Variants in PNPLA6 observed in about 807,000 individuals in gnomAD.
PNPLA6 encodes the protein patatin like domain 6, lysophospholipase, also known as patatin-like phospholipase domain-containing protein 6.
PNPLA6 carries 105 observed loss-of-function variants against 153.7 expected under a neutral mutation model. That is an observed-to-expected ratio of 0.68 (90% CI 0.58 to 0.80). The LOEUF (loss-of-function observed/expected upper bound fraction) is 0.80, where lower values mean the gene tolerates loss of function less well. PNPLA6 is among the 30% of genes least tolerant of loss of function. PNPLA6 has a pLI of 0.00. For missense variants in PNPLA6, 1,423 were observed against 1,919.3 expected (o/e 0.74, Z 4.83); for synonymous variants, 825 against 822.2 (o/e 1.00, Z -0.06).
chr19:7,544,542 G>A (rs532986353), intron 13 of PNPLA6, among the ~76,000 whole-genome samples: 2 of 152,344 alleles, frequency 1.3e-5, no homozygotes, highest in African/African-American at 2.4e-5. Context: ...ACAGTGTGGG[G>A]TTTGCAAGAG....
Position 7,551,064 on chromosome 19 carries a change from T to C in PNPLA6, c.2141T>C (p.Leu714Pro), listed in dbSNP as rs1464006255. Residue 714 changes from leucine (L) to proline (P), a missense_variant, in exon 17 of 32, where the codon CTT (leucine) becomes CCT (proline). Transcript: ENST00000600737. ...HAVRDTELAK[L>P]PEGTLGHIKR... ...GTGCGCGACACGGAGCTGGCCAAGC[T>C]TCCCGAGGGCACCTTGGGTCACATC... 1 of 1,549,796 alleles carries C rather than the reference T, an allele frequency of 6.5e-7. No individual in the cohort carries two copies. Among genetic ancestry groups the C allele is most frequent in the Non-Finnish European group, 8.7e-7 (1 of 1,146,874 alleles).
chr19:7,541,305 T>A lies in PNPLA6; in HGVS notation c.925-49T>A, dbSNP rs769488817. ...ACTAGCCCGGCCCACCATCTGGCCC[T>A]GCCCCTTACCCCGCCCCATCTTATG... On this transcript the variant is annotated intron_variant, in intron 7 of 31. Coordinates refer to ENST00000600737, the MANE Select transcript of PNPLA6 (RefSeq NM_001166114.2). This position sits in a 1 kb window ranked among gnomAD's most constrained non-coding sequence, Gnocchi z 5.2. 2.0e-6 allele frequency: 3 copies of A among 1,520,504 alleles called. No homozygotes were observed. Among genetic ancestry groups the A allele is most frequent in the Non-Finnish European group, 2.7e-6 (3 of 1,099,604 alleles). 94.2% of individuals were successfully genotyped at this position (1,520,504 alleles called of 1,614,324 possible). A position where few individuals can be genotyped will look rare whatever the true frequency, so the allele number is the denominator to read the frequency against.
chr19:7,560,994 T>A lies in PNPLA6; in HGVS notation c.3817-20T>A. 1 of 1,559,730 alleles carries A rather than the reference T, an allele frequency of 6.4e-7. No homozygotes were observed. Among genetic ancestry groups the A allele is most frequent in the Non-Finnish European group, 8.8e-7 (1 of 1,138,204 alleles). ...ACTCTGTGGGCCCCCCCTAAGAGCC[T>A]CACCAGTGTCACCCCACAGGTGCTT... On this transcript the variant is annotated intron_variant, in intron 29 of 31. Coordinates refer to ENST00000600737, the MANE Select transcript of PNPLA6 (RefSeq NM_001166114.2).
chr19:7,535,595 G>T (rs1280869475), upstream of PNPLA6: 1 of 1,601,178 alleles, frequency 6.2e-7, no homozygotes. This position sits in a 1 kb window ranked among gnomAD's most constrained non-coding sequence, Gnocchi z 5.0. Flanking sequence ...GTGGGGCGGA[G>T]ACCGGGTAGG....
At chr19:7,534,183 A>C, upstream of PNPLA6, 1 of 358,698 alleles carries the variant, frequency 2.8e-6, no homozygotes, top group Non-Finnish European at 5.3e-6. Context: ...GTGCCTGCGG[A>C]GCCGGGCGGA....
rs2023855823 is a variant in PNPLA6 at position 7,555,845 on chromosome 19, A to C, written c.3093+82A>C. 2.7e-6 allele frequency: 4 copies of C among 1,457,552 alleles called. No individual in the cohort carries two copies. Among genetic ancestry groups the C allele is most frequent in the Admixed American group, 1.7e-5 (1 of 59,030 alleles). The allele number at this position is 1,457,552 out of a possible 1,614,324, so 90.3% of individuals were successfully genotyped here. On this transcript the variant is annotated intron_variant, in intron 24 of 31. Transcript: ENST00000600737. The surrounding 1 kb of genome is among the most constrained non-coding windows in gnomAD (Gnocchi z 6.3). ...CCAACCTAACCTGATCCCATGGGGG[A>C]GCCTCCGGGGTCAGGGTGACCCTTC... is the stretch of plus-strand genomic sequence containing the variant.
upstream of PNPLA6, chr19:7,534,700 A>AC (rs1393047485): frequency 4.0e-5 from 6 of 151,740 alleles, no homozygotes; most frequent in South Asian, 2.1e-4. Flanking sequence ...CTTTCCAGTG[A>AC]CCCCGCATCC....
At chr19:7,560,436 A>C (rs570765442) in intron 28 of PNPLA6, among the ~76,000 whole-genome samples, 42 of 152,320 alleles carry the variant, frequency 2.8e-4, no homozygotes, top group Admixed American at 2.6e-3. Flanking sequence ...TGTGGGAAAG[A>C]ACATGGAGAG....
upstream of PNPLA6, chr19:7,535,353 C>A (rs960928161): frequency 1.9e-4 from 129 of 673,788 alleles, no homozygotes; most frequent in Non-Finnish European, 2.8e-4. This position sits in a 1 kb window ranked among gnomAD's most constrained non-coding sequence, Gnocchi z 5.0. Context: ...TCCCTTAGTC[C>A]CGCAGCGCCC....
rs1171186765 is a variant in PNPLA6, at chr19:7,554,545, C to T, written c.2466-10C>T. On this transcript the variant is annotated splice_polypyrimidine_tract_variant and intron_variant, in intron 20 of 31. Coordinates refer to ENST00000600737, the MANE Select transcript of PNPLA6 (RefSeq NM_001166114.2). Reference sequence around the variant, plus strand: ...AACCCCAGGATGACGCTGCCCCCTTCCCACCCTAGCATCCAAGAGTTCCGG... The same window carrying T: ...AACCCCAGGATGACGCTGCCCCCTTTCCACCCTAGCATCCAAGAGTTCCGG... 1 of 1,614,048 alleles carries T rather than the reference C, an allele frequency of 6.2e-7. No homozygotes were observed. The highest frequency in any genetic ancestry group is 8.5e-7 in the Non-Finnish European group (1 of 1,179,952).
intron 3 of PNPLA6, 34 bp from the exon 4 acceptor site, chr19:7,539,884 C>T (rs1488809519): frequency 9.1e-6 from 13 of 1,423,670 alleles, no homozygotes; most frequent in Non-Finnish European, 1.2e-5. Flanking sequence ...TCTCCGTGCC[C>T]CCCTCACCCC....
In PNPLA6 at chr19:7,540,399, A is replaced by T; in HGVS notation, c.714+91A>T. On this transcript the variant is annotated intron_variant, in intron 5 of 31. Transcript: ENST00000600737. This position sits in a 1 kb window ranked among gnomAD's most constrained non-coding sequence, Gnocchi z 6.8. Reference sequence around the variant, plus strand: ...TCTGTAGAGCTGGTGGTCTTTGGAGATGCGTCATCGGGAGTCAGGGGAACG... The same window carrying T: ...TCTGTAGAGCTGGTGGTCTTTGGAGTTGCGTCATCGGGAGTCAGGGGAACG... 1 of 1,414,878 alleles carries T rather than the reference A, an allele frequency of 7.1e-7. No homozygotes were observed. The highest frequency in any genetic ancestry group is 9.6e-7 in the Non-Finnish European group (1 of 1,040,994). 87.6% of individuals were successfully genotyped at this position (1,414,878 alleles called of 1,614,324 possible).
intron 13 of PNPLA6, among the ~76,000 whole-genome samples, chr19:7,549,477 C>T (rs12459016): frequency 0.67 from 99,773 of 148,016 alleles, 34,107 homozygotes; most frequent in South Asian, 0.78. Flanking sequence ...TGAGCCACCG[C>T]GCCTGGCCTT....
chr19:7,542,648 G>T lies in PNPLA6; in HGVS notation c.1340G>T (p.Gly447Val), dbSNP rs376965424. 4 of 1,613,252 alleles carry T rather than the reference G, an allele frequency of 2.5e-6. No homozygotes were observed. Among genetic ancestry groups the T allele is most frequent in the Non-Finnish European group, 3.4e-6 (4 of 1,179,902 alleles). Reference protein sequence around the residue: ...SVSLQEEASGGSLAAPARTPT... With the variant: ...SVSLQEEASGVSLAAPARTPT... ...TCCCTGCAGGAAGAGGCCTCCGGGG[G>T]GTCCCTGGCAGCCCCCGCTCGGGTA... The change falls in exon 11 of 32, where the codon GGG becomes GTG. Residue 447 changes from glycine to valine, a missense_variant. By Grantham distance (109) the Gly-to-Val change is moderately radical. Coordinates refer to ENST00000600737, the MANE Select transcript of PNPLA6 (RefSeq NM_001166114.2).
Position 7,541,660 on chromosome 19 carries a change from G to C in PNPLA6, c.1144G>C (p.Gly382Arg), listed in dbSNP as rs1248639336. Reference protein sequence around the residue: ...ETPGRPPDPTGAPLPGPTGDP... With the variant: ...ETPGRPPDPTRAPLPGPTGDP... ...CCCAGGGCGGCCACCCGATCCCACC[G>C]GGGCCCCGCTGCCTGGACCTACAGG... Residue 382 changes from glycine (G) to arginine (R), a missense_variant, in exon 9 of 32, where the codon GGG becomes CGG. Transcript: ENST00000600737. This position sits in a 1 kb window ranked among gnomAD's most constrained non-coding sequence, Gnocchi z 5.2. The C allele has an allele frequency of 1.9e-6, 3 of 1,576,756 alleles. No individual in the cohort carries two copies. Among genetic ancestry groups the C allele is most frequent in the Non-Finnish European group, 1.7e-6 (2 of 1,162,722 alleles).
At chr19:7,547,811 A>AATT (rs1406190133) in intron 13 of PNPLA6, among the ~76,000 whole-genome samples, 3 of 114,502 alleles carry the variant, frequency 2.6e-5, no homozygotes, top group East Asian at 5.8e-4. Flanking sequence ...CTAATTAAAA[A>AATT]TTTTTTTTTT....
In PNPLA6 at chr19:7,536,557, G is replaced by C. The variant is rs765209691; in HGVS notation, c.413+11G>C. 3 of 1,579,916 alleles carry C rather than the reference G, an allele frequency of 1.9e-6. No homozygotes were observed. In the South Asian group the frequency reaches 3.3e-5, roughly 17 times the overall value. Reference sequence around the variant, plus strand: ...CAACATTGCCAAGAAGTAAGGCTGTGCTGGGTGTGACCTGGTATTAGGGGT... The same window carrying C: ...CAACATTGCCAAGAAGTAAGGCTGTCCTGGGTGTGACCTGGTATTAGGGGT... On this transcript the variant is annotated intron_variant, in intron 3 of 31. Coordinates refer to ENST00000600737, the MANE Select transcript of PNPLA6 (RefSeq NM_001166114.2).
chr19:7,552,065 G>A (rs1311378076), intron 18 of PNPLA6, among the ~76,000 whole-genome samples: 2 of 152,144 alleles, frequency 1.3e-5, no homozygotes, highest in African/African-American at 2.4e-5. Context: ...AGCCGTGATC[G>A]TGCCACTGTA....
upstream of PNPLA6, chr19:7,535,428 T>G (rs2055553539): frequency 9.6e-7 from 1 of 1,040,822 alleles, no homozygotes; most frequent in African/African-American, 1.6e-5. This position sits in a 1 kb window ranked among gnomAD's most constrained non-coding sequence, Gnocchi z 5.0. Flanking sequence ...GGGCTTGAGC[T>G]GGGGGCAGGG....
Sources: gnomAD v4.1 joint callset for allele counts (sites outside exome capture counted in the v4.1 genomes callset) on GRCh38, gnomAD v4.1.1 for gene constraint, Gnocchi (gnomAD v3.1) non-coding constraint, MANE v1.5 for transcripts, NCBI Gene and HGNC (gene_info 2026-07-23, HGNC 2026-07-21) for gene names.